Variants in CD81 observed in about 807,000 individuals in gnomAD.
CD81 encodes CD81 antigen.
Under a neutral mutation model 30.1 loss-of-function variants are expected in CD81, and 10 were observed. The ratio of observed to expected loss-of-function variants is 0.33; its 90% CI spans 0.21 to 0.56. The LOEUF (loss-of-function observed/expected upper bound fraction) is 0.56. Ranked by LOEUF, CD81 falls within the 20% of genes least tolerant of loss-of-function variation. The pLI is 0.89. For synonymous variants in CD81, 147 were observed against 126.4 expected, an observed-to-expected ratio of 1.16 and a Z score of -1.10; for missense variants, 263 against 308.7, an observed-to-expected ratio of 0.85 and a Z score of 1.11.
At chr11:2,376,992 C>CCCGGCA (rs962374144), upstream of CD81, 5 of 152,392 alleles carry the variant, frequency 3.3e-5, no homozygotes, top group African/African-American at 9.6e-5. Context: ...GGGTTGTTCT[C>CCCGGCA]CCGGCACCGG....
intron 1 of CD81, chr11:2,389,973 G>GT (rs1404876147): frequency 6.0e-6 from 2 of 333,706 alleles, no homozygotes; most frequent in African/African-American, 4.3e-5. Context: ...TCAGGTCCTG[G>GT]TATCACCTCT....
chr11:2,390,501 G>T lies in CD81; in HGVS notation c.156G>T (p.Lys52Asn). 11 of 1,612,880 alleles carry T rather than the reference G, an allele frequency of 6.8e-6. No homozygotes were observed. Among genetic ancestry groups the T allele is most frequent in the Non-Finnish European group, 9.3e-6 (11 of 1,179,870 alleles). Residue 52 changes from lysine (K) to asparagine (N), a missense_variant, in exon 2 of 8, where the codon AAG becomes AAT. By Grantham distance (94) the Lys-to-Asn change is moderately conservative. Transcript: ENST00000263645. ...TCCTGTATCTGGAGCTGGGAGACAA[G>T]CCCGCGCCCAACACCTTCTATGTAG... ...TNLLYLELGD[K>N]PAPNTFYVGI...
rs778262013 is a variant in CD81 at position 2,395,404 on chromosome 11, C to T, written c.355-12C>T. On this transcript the variant is annotated splice_polypyrimidine_tract_variant and intron_variant, in intron 4 of 7. Coordinates refer to ENST00000263645, the MANE Select transcript of CD81 (RefSeq NM_004356.4). ...GGTTCCCCCTGTGCATGTGACCGCA[C>T]CCCTCCCCCAGATCGCCAAGGATGT... 1.3e-5 allele frequency: 21 copies of T among 1,604,018 alleles called. No homozygotes were observed. In the Middle Eastern group the frequency reaches 4.9e-4, roughly 38 times the overall value.
rs1305198054 is a variant in CD81 at position 2,377,317 on chromosome 11, G to C, written c.-233G>C. On this transcript the variant is annotated 5_prime_UTR_variant, in exon 1 of 8. Coordinates refer to ENST00000263645, the MANE Select transcript of CD81 (RefSeq NM_004356.4). This position sits in a 1 kb window ranked among gnomAD's most constrained non-coding sequence, Gnocchi z 7.7. ...GGAGCGAGGCGCGCGCCCGGCCAGA[G>C]AGCGAGCGCGCAACGGCGGCGACGG... The C allele has an allele frequency of 1.3e-5, 2 of 151,082 alleles. No individual in the cohort carries two copies. Among genetic ancestry groups the C allele is most frequent in the African/African-American group, 4.9e-5 (2 of 41,114 alleles). 9.4% of individuals were successfully genotyped at this position (151,082 alleles called of 1,614,324 possible).
intron 1 of CD81, chr11:2,385,583 C>G (rs11022554): frequency 4.1e-6 from 1 of 243,078 alleles, no homozygotes; most frequent in South Asian, 3.8e-5. Context: ...GTGGCGTGCC[C>G]GTCGTCTGTG....
chr11:2,390,098 G>C, intron 1 of CD81: 1 of 494,940 alleles, frequency 2.0e-6, no homozygotes, highest in South Asian at 2.0e-5. Flanking sequence ...TTACCCTAAA[G>C]AAGTATTCTG....
At chr11:2,385,535 C>T (rs540279649) in intron 1 of CD81, 92 of 236,618 alleles carry the variant, frequency 3.9e-4, no homozygotes, top group African/African-American at 3.5e-3. Flanking sequence ...GTGGCGTGCC[C>T]GTCGTCTGTG....
chr11:2,385,281 C>A (rs1849771102), intron 1 of CD81, among the ~76,000 whole-genome samples: 1 of 152,008 alleles, frequency 6.6e-6, no homozygotes, highest in South Asian at 2.1e-4. Flanking sequence ...AAATTTATAC[C>A]CCCGTGAAAC....
chr11:2,393,737 G>A (rs1309837579), intron 2 of CD81: 31 of 601,492 alleles, frequency 5.2e-5, no homozygotes, highest in Non-Finnish European at 6.8e-5. Context: ...GGGTGAAGGC[G>A]GTGGGTGGCG....
At chr11:2,388,557 G>A (rs900293482) in intron 1 of CD81, among the ~76,000 whole-genome samples, 12 of 152,208 alleles carry the variant, frequency 7.9e-5, no homozygotes, top group Non-Finnish European at 1.6e-4. Flanking sequence ...CAGTTGACCG[G>A]CAGCCCTGCA....
chr11:2,390,584 C>T, intron 2 of CD81, 58 bp downstream of exon 2: 1 of 1,271,678 alleles, frequency 7.9e-7, no homozygotes, highest in East Asian at 2.3e-5. Flanking sequence ...GGAGGCAGGT[C>T]CTAGCCTTTT....
intron 1 of CD81, among the ~76,000 whole-genome samples, chr11:2,379,733 T>C (rs1346027257): frequency 6.6e-6 from 1 of 151,982 alleles, no homozygotes; most frequent in Non-Finnish European, 1.5e-5. Flanking sequence ...CAAGGAAATG[T>C]CTCTGAGGCC....
chr11:2,377,523 C>A lies in CD81; in HGVS notation c.-27C>A. ...CGCCGCCCAGGACCGGCCCGCGCCC[C>A]GCAGGCCGCCCGCCGCCCGCGCCGC... On this transcript the variant is annotated 5_prime_UTR_variant, in exon 1 of 8. Transcript: ENST00000263645. This position sits in a 1 kb window ranked among gnomAD's most constrained non-coding sequence, Gnocchi z 7.7. 1 of 1,297,240 alleles carries A rather than the reference C, an allele frequency of 7.7e-7. No homozygotes were observed. The highest frequency in any genetic ancestry group is 1.0e-6 in the Non-Finnish European group (1 of 993,488). The allele number at this position is 1,297,240 out of a possible 1,614,324, so 80.4% of individuals were successfully genotyped here.
chr11:2,390,872 C>T (rs1042084604), intron 2 of CD81, among the ~76,000 whole-genome samples: 23 of 139,862 alleles, frequency 1.6e-4, no homozygotes, highest in African/African-American at 6.1e-4. Context: ...GCAGCTGGCG[C>T]TGTGGAGCCC....
rs771842206 is a variant in CD81, at chr11:2,395,567, G to A, written c.459+47G>A. 42 of 1,450,656 alleles carry A rather than the reference G, an allele frequency of 2.9e-5. No homozygotes were observed. The Admixed American group carries it at 5.1e-4, about 17-fold the overall frequency. 89.9% of individuals were successfully genotyped at this position (1,450,656 alleles called of 1,614,324 possible). A position where few individuals can be genotyped will look rare whatever the true frequency, so the allele number is the denominator to read the frequency against. On this transcript the variant is annotated intron_variant, in intron 5 of 7. Transcript: ENST00000263645. The stretch of plus-strand genomic sequence containing the variant: ...GCGGGGAGCAGGGCCCCGGGAACCC[G>A]GCGGGGTGTGTCTCGTCCTGGATGA...
chr11:2,383,948 G>A (rs1044783192), intron 1 of CD81, among the ~76,000 whole-genome samples: 2 of 152,140 alleles, frequency 1.3e-5, no homozygotes, highest in Non-Finnish European at 2.9e-5. Flanking sequence ...CTGGCTGTCC[G>A]GGGCCTGCGG....
At chr11:2,376,396 G>A (rs1485846371), upstream of CD81, 1 of 152,282 alleles carries the variant, frequency 6.6e-6, no homozygotes, top group Non-Finnish European at 1.5e-5. Context: ...TTGTCCATCA[G>A]TTTTCTTGGA....
intron 1 of CD81, among the ~76,000 whole-genome samples, chr11:2,384,039 G>C (rs1485783885): frequency 6.6e-6 from 1 of 152,186 alleles, no homozygotes; most frequent in Non-Finnish European, 1.5e-5. Flanking sequence ...CTCCCTTTCA[G>C]CTGCTTCTTG....
Position 2,377,714 on chromosome 11 carries a change from G to C in CD81, c.66+99G>C. 1 of 690,108 alleles carries C rather than the reference G, an allele frequency of 1.4e-6. No homozygotes were observed. Among genetic ancestry groups the C allele is most frequent in the Non-Finnish European group, 2.1e-6 (1 of 477,360 alleles). 42.7% of individuals were successfully genotyped at this position (690,108 alleles called of 1,614,324 possible). A position where few individuals can be genotyped will look rare whatever the true frequency, so the allele number is the denominator to read the frequency against. Reference sequence around the variant, plus strand: ...GTGCTAGGCCCCGCGGGCGCAGCGCGGGCCGCGAAGTTGTGGGGCCACCTG... The same window carrying C: ...GTGCTAGGCCCCGCGGGCGCAGCGCCGGCCGCGAAGTTGTGGGGCCACCTG... On this transcript the variant is annotated intron_variant, in intron 1 of 7. Transcript: ENST00000263645. This position sits in a 1 kb window ranked among gnomAD's most constrained non-coding sequence, Gnocchi z 7.7.
Sources: allele counts gnomAD v4.1 joint callset (sites outside exome capture counted in the v4.1 genomes callset), GRCh38; gene constraint gnomAD v4.1.1; non-coding constraint Gnocchi (gnomAD v3.1); transcripts MANE v1.5; gene names NCBI Gene and HGNC (gene_info 2026-07-23, HGNC 2026-07-21).